Variants in ILRUN observed in about 807,000 individuals in gnomAD.
The protein encoded by ILRUN is inflammation and lipid regulator with UBA-like and NBR1-like domains.
A neutral mutation model predicts 33.8 loss-of-function variants in ILRUN; 3 were observed. The observed-to-expected ratio is 0.09, with a 90% CI of 0.04 to 0.23. ILRUN has a LOEUF of 0.23. Ranked by LOEUF, ILRUN falls within the 10% of genes least tolerant of loss-of-function variation. The pLI, the probability that ILRUN is intolerant of heterozygous loss-of-function variation, is 1.00. For synonymous variants in ILRUN, 124 were observed against 138.9 expected, an observed-to-expected ratio of 0.89 and a Z score of 0.75; for missense variants, 210 against 375.1, an observed-to-expected ratio of 0.56 and a Z score of 3.64.
intron 3 of ILRUN, among the ~76,000 whole-genome samples, chr6:34,625,374 C>T (rs1034747978): frequency 6.6e-6 from 1 of 152,144 alleles, no homozygotes; most frequent in African/African-American, 2.4e-5. Flanking sequence ...GGTCTATCAA[C>T]ATCTCTCATA....
chr6:34,681,641 G>A (rs1763359465), intron 1 of ILRUN, among the ~76,000 whole-genome samples: 1 of 151,934 alleles, frequency 6.6e-6, no homozygotes, highest in South Asian at 2.1e-4. Context: ...AACCTTTTCA[G>A]TTTTAGTCCT....
At chr6:34,670,035 C>A (rs1763084040) in intron 1 of ILRUN, among the ~76,000 whole-genome samples, 1 of 152,032 alleles carries the variant, frequency 6.6e-6, no homozygotes, top group African/African-American at 2.4e-5. Context: ...CCTCAGCCTC[C>A]CGAGTAGCTG....
intron 3 of ILRUN, among the ~76,000 whole-genome samples, chr6:34,613,622 A>G (rs1395386774): frequency 1.3e-5 from 2 of 152,226 alleles, no homozygotes; most frequent in Admixed American, 6.5e-5. Flanking sequence ...ACTTTTGAAG[A>G]TATTATAGAT....
At chr6:34,681,432 C>T (rs921614730) in intron 1 of ILRUN, among the ~76,000 whole-genome samples, 1 of 151,960 alleles carries the variant, frequency 6.6e-6, no homozygotes, top group African/African-American at 2.4e-5. Context: ...AAGTGAAAAA[C>T]GTATTCATCT....
intron 3 of ILRUN, among the ~76,000 whole-genome samples, chr6:34,640,142 T>G (rs1762440385): frequency 6.6e-6 from 1 of 152,104 alleles, no homozygotes; most frequent in Non-Finnish European, 1.5e-5. Context: ...GCTAGAAATT[T>G]GTGTGGTGGG....
intron 1 of ILRUN, among the ~76,000 whole-genome samples, chr6:34,695,801 C>T (rs1763755238): frequency 6.6e-6 from 1 of 151,906 alleles, no homozygotes; most frequent in African/African-American, 2.4e-5. Context: ...GTAGATCCTA[C>T]TCCTCCCTGG....
chr6:34,621,606 C>T (rs1762013827), intron 3 of ILRUN, among the ~76,000 whole-genome samples: 1 of 152,154 alleles, frequency 6.6e-6, no homozygotes, highest in African/African-American at 2.4e-5. Flanking sequence ...TGCCTGTAAT[C>T]CCAGCACTTT....
chr6:34,612,213 C>T (rs528663106), intron 3 of ILRUN, among the ~76,000 whole-genome samples: 42 of 141,252 alleles, frequency 3.0e-4, no homozygotes, highest in African/African-American at 9.4e-4. Context: ...CAGGAGTTTG[C>T]GACCAGCCTA....
intron 3 of ILRUN, among the ~76,000 whole-genome samples, chr6:34,615,649 G>T (rs1273333079): frequency 2.6e-5 from 4 of 152,098 alleles, no homozygotes; most frequent in African/African-American, 7.2e-5. Context: ...CACTTTCTAT[G>T]GAGAGAATTG....
intron 4 of ILRUN, among the ~76,000 whole-genome samples, chr6:34,602,146 A>G (rs1379839148): frequency 6.6e-6 from 1 of 152,156 alleles, no homozygotes; most frequent in Non-Finnish European, 1.5e-5. Context: ...CAAACACAAT[A>G]TAAGAGCCAT....
intron 2 of ILRUN, among the ~76,000 whole-genome samples, chr6:34,653,154 A>AAAAGAAAG (rs35300607): frequency 2.8e-5 from 4 of 144,472 alleles, no homozygotes; most frequent in African/African-American, 7.8e-5. Context: ...AAAAAAAAGA[A>AAAAGAAAG]AAAGAAAGAA....
chr6:34,632,896 T>C (rs76202810), intron 3 of ILRUN, among the ~76,000 whole-genome samples: 8,854 of 152,210 alleles, frequency 0.058, 496 homozygotes, highest in East Asian at 0.32. Flanking sequence ...ATTTAAGTCT[T>C]CAACTAAGAG....
At chr6:34,628,579 G>A (rs939978516) in intron 3 of ILRUN, among the ~76,000 whole-genome samples, 5 of 151,680 alleles carry the variant, frequency 3.3e-5, no homozygotes, top group African/African-American at 7.3e-5. Context: ...TGATCCGCCC[G>A]CCTCGGCCTC....
chr6:34,669,408 C>T (rs1043503519), intron 1 of ILRUN, among the ~76,000 whole-genome samples: 4 of 151,124 alleles, frequency 2.6e-5, no homozygotes, highest in East Asian at 2.0e-4. Context: ...GGATTAAAGG[C>T]GTGAGCCACC....
At chr6:34,612,837 T>C (rs1446521757) in intron 3 of ILRUN, among the ~76,000 whole-genome samples, 1 of 151,988 alleles carries the variant, frequency 6.6e-6, no homozygotes, top group Non-Finnish European at 1.5e-5. Flanking sequence ...GGTCAGGAGA[T>C]CAAGACCATC....
At chr6:34,624,314 ATTTATTTT>A (rs759024093) in intron 3 of ILRUN, among the ~76,000 whole-genome samples, 64 of 151,870 alleles carry the variant, frequency 4.2e-4, no homozygotes, top group African/African-American at 1.3e-3. Flanking sequence ...TAATTACCTA[ATTTATTTT>A]TTTATTTTTT....
intron 2 of ILRUN, among the ~76,000 whole-genome samples, chr6:34,650,413 TTATTTATTTA>T (rs1762639959): frequency 1.3e-5 from 1 of 78,358 alleles, no homozygotes; most frequent in African/African-American, 8.5e-5. Flanking sequence ...TTATTTTTAT[TTATTTATTTA>T]TTTATTTATT....
chr6:34,696,169 C>G (rs1763766855), intron 1 of ILRUN: 1 of 420,808 alleles, frequency 2.4e-6, no homozygotes, highest in Non-Finnish European at 4.3e-6. Flanking sequence ...CATCCCACGT[C>G]CCTTGGCCCC....
At chr6:34,631,122 T>C (rs374147484) in intron 3 of ILRUN, among the ~76,000 whole-genome samples, 1 of 152,354 alleles carries the variant, frequency 6.6e-6, no homozygotes, top group East Asian at 1.9e-4. Context: ...CCAAAACTGA[T>C]TCTGATGCTA....
Sources: gnomAD v4.1 joint callset for allele counts (sites outside exome capture counted in the v4.1 genomes callset) on GRCh38, gnomAD v4.1.1 for gene constraint, MANE v1.5 for transcripts, NCBI Gene and HGNC (gene_info 2026-07-23, HGNC 2026-07-21) for gene names.